Variants in PRP4K observed in about 807,000 individuals in gnomAD.
PRP4K encodes the protein serine/threonine-protein kinase PRP4 homolog.
the PRP4K span, among the ~76,000 whole-genome samples, chr6:4,058,305 G>A: frequency 4.4e-4 from 67 of 152,272 alleles, 1 homozygote; most frequent in African/African-American, 1.5e-3. Flanking sequence ...AGCTATGTTG[G>A]TATTAGTTTT....
the PRP4K span, among the ~76,000 whole-genome samples, chr6:4,026,351 G>C: frequency 1.4e-5 from 2 of 143,644 alleles, no homozygotes; most frequent in Non-Finnish European, 3.0e-5. Flanking sequence ...CACCCAGGCT[G>C]GAGTGCAATG....
the PRP4K span, chr6:4,058,619 C>A: frequency 2.4e-6 from 2 of 848,896 alleles, no homozygotes; most frequent in East Asian, 5.4e-5. Flanking sequence ...ATCAAACAAA[C>A]CTACAGAGAC....
At chr6:4,032,684 G>A in the PRP4K span, 2 of 1,611,230 alleles carry the variant, frequency 1.2e-6, no homozygotes, top group African/African-American at 2.7e-5. Context: ...TGTCTCCTGG[G>A]AGAAGAGCCA....
the PRP4K span, among the ~76,000 whole-genome samples, chr6:4,048,030 C>T: frequency 1.3e-5 from 2 of 151,270 alleles, no homozygotes; most frequent in Non-Finnish European, 2.9e-5. Flanking sequence ...TACTCATTTG[C>T]TTGGTTGATA....
chr6:4,024,953 G>A, the PRP4K span, among the ~76,000 whole-genome samples: 1 of 151,968 alleles, frequency 6.6e-6, no homozygotes, highest in Non-Finnish European at 1.5e-5. Context: ...CATTGTGCTG[G>A]GTGCCTCAAG....
At chr6:4,051,725 G>T in the PRP4K span, among the ~76,000 whole-genome samples, 1 of 152,148 alleles carries the variant, frequency 6.6e-6, no homozygotes, top group Non-Finnish European at 1.5e-5. Flanking sequence ...TTTGTGCAGT[G>T]ATTATTTTGG....
chr6:4,063,816 C>G, the PRP4K span: 1 of 152,144 alleles, frequency 6.6e-6, no homozygotes, highest in Non-Finnish European at 1.5e-5. Context: ...AATAAATGTG[C>G]ATTCCTCTTT....
At chr6:4,062,231 C>T in the PRP4K span, 1 of 152,646 alleles carries the variant, frequency 6.6e-6, no homozygotes, top group Non-Finnish European at 1.5e-5. This position sits in a 1 kb window ranked among gnomAD's most constrained non-coding sequence, Gnocchi z 4.2. Flanking sequence ...GAAAACGGGG[C>T]ACAGGCCATT....
At chr6:4,059,825 T>C in the PRP4K span, among the ~76,000 whole-genome samples, 5 of 152,292 alleles carry the variant, frequency 3.3e-5, 1 homozygote, top group South Asian at 1.0e-3. Context: ...TTTGTATTTT[T>C]AGTAGAGATG....
chr6:4,039,366 TG>T, the PRP4K span, among the ~76,000 whole-genome samples: 1 of 152,330 alleles, frequency 6.6e-6, no homozygotes, highest in African/African-American at 2.4e-5. Context: ...GAAATAGACC[TG>T]GCTACCAGTA....
chr6:4,042,117 G>A, the PRP4K span, among the ~76,000 whole-genome samples: 1 of 152,304 alleles, frequency 6.6e-6, no homozygotes, highest in East Asian at 1.9e-4. Context: ...CTGACATCCA[G>A]AAAAGGTAGC....
the PRP4K span, among the ~76,000 whole-genome samples, chr6:4,056,102 A>G: frequency 1.5e-4 from 22 of 150,622 alleles, no homozygotes; most frequent in African/African-American, 5.5e-4. Context: ...CCATTTCCTC[A>G]CTGAAAACAG....
chr6:4,064,253 C>G, the PRP4K span: 2 of 152,444 alleles, frequency 1.3e-5, no homozygotes, highest in Non-Finnish European at 2.9e-5. Flanking sequence ...AAAATAAGTA[C>G]TCAGGACTTT....
At chr6:4,048,368 G>C in the PRP4K span, among the ~76,000 whole-genome samples, 8 of 117,550 alleles carry the variant, frequency 6.8e-5, no homozygotes, top group African/African-American at 2.5e-4. Flanking sequence ...GACAAAGCAA[G>C]ACTCCGTCTC....
the PRP4K span, among the ~76,000 whole-genome samples, chr6:4,039,870 TTC>T: frequency 2.1e-4 from 30 of 142,684 alleles, no homozygotes; most frequent in Non-Finnish European, 4.0e-4. Flanking sequence ...TCTTTCTCTT[TTC>T]TCTCTCTCCT....
the PRP4K span, among the ~76,000 whole-genome samples, chr6:4,029,401 T>C: frequency 3.4e-5 from 5 of 148,926 alleles, no homozygotes; most frequent in Non-Finnish European, 5.9e-5. Flanking sequence ...TGGAGTGCAG[T>C]GGCCCCATCA....
chr6:4,025,803 A>G, the PRP4K span, among the ~76,000 whole-genome samples: 1 of 152,150 alleles, frequency 6.6e-6, no homozygotes, highest in Non-Finnish European at 1.5e-5. Context: ...AGGTTCAAAA[A>G]ACTGATTTTC....
chr6:4,059,402 C>T, the PRP4K span, among the ~76,000 whole-genome samples: 1 of 152,210 alleles, frequency 6.6e-6, no homozygotes, highest in African/African-American at 2.4e-5. Context: ...CTTCAAGCCT[C>T]AGCTGAAATA....
chr6:4,057,257 T>C, the PRP4K span: 1 of 1,518,350 alleles, frequency 6.6e-7, no homozygotes, highest in Admixed American at 2.0e-5. Context: ...TGACACTTGC[T>C]CACCACTAGT....
Sources: gnomAD v4.1 joint callset for allele counts (sites outside exome capture counted in the v4.1 genomes callset) on GRCh38, gnomAD v4.1.1 for gene constraint, Gnocchi (gnomAD v3.1) non-coding constraint, MANE v1.5 for transcripts, NCBI Gene and HGNC (gene_info 2026-07-23, HGNC 2026-07-21) for gene names.